SPAG16: variants seen among roughly 807,000 people sequenced by gnomAD.
SPAG16 encodes the protein sperm-associated antigen 16 protein.
SPAG16 carries 86 observed loss-of-function variants against 80.4 expected under a neutral mutation model. The ratio of observed to expected loss-of-function variants is 1.07; its 90% confidence interval spans 0.90 to 1.28. The LOEUF (loss-of-function observed/expected upper bound fraction) is 1.28, where lower values mean the gene tolerates loss of function less well. Ranked by LOEUF, SPAG16 falls within the 50% of genes most tolerant of loss-of-function variation. The pLI, the probability that SPAG16 is intolerant of heterozygous loss-of-function variation, is 0.00. For missense variants in SPAG16, 870 were observed against 765.3 expected (o/e 1.14, Z -1.61); for synonymous variants, 294 against 265.9 (o/e 1.11, Z -1.03).
At chr2:214,121,532 T>A (rs2054220126) in intron 14 of SPAG16, among the ~76,000 whole-genome samples, 1 of 151,872 alleles carries the variant, frequency 6.6e-6, no homozygotes, top group African/African-American at 2.4e-5. Flanking sequence ...ATTTAGCTCA[T>A]CTTTAAAATG....
At chr2:213,635,139 A>G (rs2062311590) in intron 10 of SPAG16, among the ~76,000 whole-genome samples, 1 of 150,790 alleles carries the variant, frequency 6.6e-6, no homozygotes, top group African/African-American at 2.4e-5. Flanking sequence ...AGTTCATGCC[A>G]TTCTCCTGCC....
chr2:214,264,871 T>C (rs1691441337), intron 15 of SPAG16, among the ~76,000 whole-genome samples: 1 of 152,172 alleles, frequency 6.6e-6, no homozygotes, highest in Non-Finnish European at 1.5e-5. Flanking sequence ...ATATTTGGAA[T>C]TATATAGTTT....
chr2:213,551,048 C>T (rs62192353), intron 10 of SPAG16, among the ~76,000 whole-genome samples: 6,382 of 152,012 alleles, frequency 0.042, 187 homozygotes, highest in Middle Eastern at 0.13. Flanking sequence ...TTTTCCTAAC[C>T]GTAATAGTCA....
intron 10 of SPAG16, among the ~76,000 whole-genome samples, chr2:213,670,003 T>TC (rs1395629333): frequency 6.8e-6 from 1 of 146,228 alleles, no homozygotes; most frequent in Non-Finnish European, 1.5e-5. Flanking sequence ...TTCTAATTCT[T>TC]TTTTTTTTTT....
chr2:214,027,862 A>T (rs1046640853), intron 13 of SPAG16, among the ~76,000 whole-genome samples: 3 of 151,908 alleles, frequency 2.0e-5, no homozygotes, highest in African/African-American at 7.2e-5. Flanking sequence ...TGACATTCAA[A>T]CTAGTTGAAC....
chr2:213,886,965 T>C (rs557128960), intron 11 of SPAG16, among the ~76,000 whole-genome samples: 163 of 152,240 alleles, frequency 1.1e-3, no homozygotes, highest in African/African-American at 3.8e-3. Context: ...TTTATGTGCT[T>C]TCAGAGCTGG....
intron 10 of SPAG16, among the ~76,000 whole-genome samples, chr2:213,798,064 C>T (rs1231640855): frequency 1.3e-5 from 2 of 152,174 alleles, no homozygotes; most frequent in African/African-American, 4.8e-5. Flanking sequence ...AATGACTACT[C>T]CTGAGTACCT....
intron 13 of SPAG16, among the ~76,000 whole-genome samples, chr2:214,071,031 C>A (rs566111247): frequency 1.3e-5 from 2 of 151,960 alleles, no homozygotes; most frequent in African/African-American, 4.8e-5. Context: ...TTATAAAAAT[C>A]GAGAAAATCT....
chr2:214,140,657 C>T (rs2125534891), intron 14 of SPAG16, among the ~76,000 whole-genome samples: 1 of 152,024 alleles, frequency 6.6e-6, no homozygotes, highest in East Asian at 1.9e-4. Flanking sequence ...TACCTTGTGG[C>T]TAGAGTATTC....
chr2:213,659,755 T>G (rs958641510), intron 10 of SPAG16, among the ~76,000 whole-genome samples: 27 of 152,204 alleles, frequency 1.8e-4, no homozygotes, highest in African/African-American at 6.3e-4. Context: ...TTTTTTCCAT[T>G]TTCTAATTAC....
In SPAG16 at chr2:214,106,056, C is replaced by G. The variant is rs1188868735; in HGVS notation, c.1528-2140C>G. Among the ~76,000 whole-genome samples the G allele has an allele frequency of 3.9e-5, 6 of 152,170 alleles. No individual in the cohort carries two copies. The East Asian group carries it at 1.2e-3, about 29-fold the overall frequency. On this transcript the variant is annotated intron_variant, in intron 13 of 15. Transcript: ENST00000331683. ...GAATTTGAAAAAAAAAGCTACTACA[C>G]TTTTCATTACCAATTAATCAAATAG... is the stretch of plus-strand genomic sequence containing the variant.
intron 5 of SPAG16, 61 bp downstream of exon 5, chr2:213,317,417 G>C: frequency 6.5e-7 from 1 of 1,535,920 alleles, no homozygotes; most frequent in Non-Finnish European, 8.7e-7. Context: ...AAAGAGTTGA[G>C]TGAAGCTGAT....
chr2:213,579,127 A>G (rs1211895666), intron 10 of SPAG16, among the ~76,000 whole-genome samples: 3 of 152,150 alleles, frequency 2.0e-5, no homozygotes, highest in Non-Finnish European at 4.4e-5. Flanking sequence ...ACTTTCTTCT[A>G]CAATATCCCT....
intron 11 of SPAG16, among the ~76,000 whole-genome samples, chr2:213,894,637 A>C (rs2076917763): frequency 6.6e-6 from 1 of 152,152 alleles, no homozygotes; most frequent in African/African-American, 2.4e-5. Context: ...AAGTATCCAA[A>C]TTGGAATGGA....
chr2:213,960,502 A>T (rs543807062), intron 12 of SPAG16, among the ~76,000 whole-genome samples: 1 of 152,122 alleles, frequency 6.6e-6, no homozygotes, highest in Non-Finnish European at 1.5e-5. Flanking sequence ...TAACTCTGGC[A>T]ATCAGATTTT....
intron 10 of SPAG16, among the ~76,000 whole-genome samples, chr2:213,849,674 A>C (rs753039649): frequency 2.0e-5 from 3 of 152,158 alleles, no homozygotes; most frequent in Non-Finnish European, 4.4e-5. Flanking sequence ...AGTTATTTCT[A>C]GACTATATGT....
intron 11 of SPAG16, among the ~76,000 whole-genome samples, chr2:213,881,492 G>A (rs189728112): frequency 7.3e-4 from 111 of 152,284 alleles, no homozygotes; most frequent in Non-Finnish European, 1.0e-3. Flanking sequence ...AACTGCCTGA[G>A]ACTGGGTAAT....
chr2:213,894,912 C>G (rs1332995785), intron 11 of SPAG16, among the ~76,000 whole-genome samples: 1 of 140,416 alleles, frequency 7.1e-6, no homozygotes, highest in African/African-American at 2.7e-5. Flanking sequence ...ATCACTGAAC[C>G]TAGGAGGCAG....
chr2:214,199,613 A>C (rs1170045528), intron 15 of SPAG16, among the ~76,000 whole-genome samples: 1 of 151,906 alleles, frequency 6.6e-6, no homozygotes, highest in Non-Finnish European at 1.5e-5. Context: ...GAATTTTAGG[A>C]TTGTTTATTC....
Sources: gnomAD v4.1 joint callset for allele counts (sites outside exome capture counted in the v4.1 genomes callset) on GRCh38, gnomAD v4.1.1 for gene constraint, MANE v1.5 for transcripts, NCBI Gene and HGNC (gene_info 2026-07-23, HGNC 2026-07-21) for gene names.